Variants in MYT1L observed in about 807,000 individuals in gnomAD.
The protein encoded by MYT1L is myelin transcription factor 1 like, also known as myelin transcription factor 1-like protein.
In MYT1L, 12 loss-of-function variants were observed where a neutral mutation model predicts 126.7. That is an observed-to-expected ratio of 0.09 (90% CI 0.06 to 0.15). The LOEUF is 0.15. MYT1L is among the 10% of genes least tolerant of loss of function. The pLI is 1.00. For synonymous variants in MYT1L, 541 were observed against 604.2 expected (o/e 0.90, Z 1.53); for missense variants, 979 against 1,585.2 (o/e 0.62, Z 6.49).
intron 8 of MYT1L, among the ~76,000 whole-genome samples, chr2:1,972,950 C>T (rs774747021): frequency 1.3e-5 from 2 of 152,222 alleles, no homozygotes; most frequent in African/African-American, 2.4e-5. Context: ...ACCTAACTTT[C>T]GGGTGTTTAT....
At chr2:1,845,978 G>A (rs1333674091) in intron 19 of MYT1L, among the ~76,000 whole-genome samples, 2 of 152,062 alleles carry the variant, frequency 1.3e-5, no homozygotes, top group African/African-American at 4.8e-5. Context: ...CCTCTCTCCT[G>A]GGCTCCAACC....
chr2:1,825,489 G>A (rs550212612), intron 21 of MYT1L: 8 of 152,300 alleles, frequency 5.3e-5, no homozygotes, highest in Non-Finnish European at 7.3e-5. Flanking sequence ...GTAATATTAT[G>A]TTTATTAGAA....
chr2:2,053,281 A>G (rs1416155190), intron 4 of MYT1L, among the ~76,000 whole-genome samples: 1 of 152,220 alleles, frequency 6.6e-6, no homozygotes, highest in African/African-American at 2.4e-5. Flanking sequence ...GGTAGTGTTT[A>G]ACGGGGACAG....
At chr2:2,249,735 G>C (rs1048012037) in intron 2 of MYT1L, among the ~76,000 whole-genome samples, 1 of 152,018 alleles carries the variant, frequency 6.6e-6, no homozygotes, top group Non-Finnish European at 1.5e-5. Context: ...AAAGTGAAGA[G>C]ACAACCTACA....
chr2:1,887,543 G>A lies in MYT1L; in HGVS notation c.2587C>T (p.Pro863Ser). 1.9e-6 allele frequency: 3 copies of A among 1,613,918 alleles called. No homozygotes were observed. The highest frequency in any genetic ancestry group is 2.5e-6 in the Non-Finnish European group (3 of 1,179,882). The change falls in exon 17 of 25, where the codon CCA becomes TCA. Residue 863 changes from proline to serine, a missense_variant. This residue lies in a region of MYT1L where 141 missense variants were observed against 170.6 expected (regional missense o/e 0.83). Transcript: ENST00000647738. This position sits in a 1 kb window ranked among gnomAD's most constrained non-coding sequence, Gnocchi z 4.8. Reference protein sequence around the residue: ...ERRYPGEVTIPSPKPKYPQCK... With the variant: ...ERRYPGEVTISSPKPKYPQCK... Reference sequence around the variant, plus strand: ...TGAGGGTACTTGGGTTTGGGACTTGGGATGGTCACCTCCCCGGGATACCGT... The same window carrying A: ...TGAGGGTACTTGGGTTTGGGACTTGAGATGGTCACCTCCCCGGGATACCGT...
chr2:2,132,207 G>A (rs948296876), intron 3 of MYT1L, among the ~76,000 whole-genome samples: 11 of 151,856 alleles, frequency 7.2e-5, no homozygotes, highest in African/African-American at 2.4e-4. Context: ...GCGCCCAGCC[G>A]AGAGTTCATC....
Position 1,930,267 on chromosome 2 carries a change from C to T in MYT1L, c.506-7004G>A, listed in dbSNP as rs1021728894. 7.9e-5 allele frequency among the ~76,000 whole-genome samples: 12 copies of T among 152,202 alleles called. No individual in the cohort carries two copies. The East Asian group carries it at 9.6e-4, about 12-fold the overall frequency. ...TTGGAAAGCCCACTTCTGGGCGCCCCGATTCTTTCACTGAACTGCTGGAGT... is the reference window on the plus strand; with the variant it reads ...TTGGAAAGCCCACTTCTGGGCGCCCTGATTCTTTCACTGAACTGCTGGAGT... On this transcript the variant is annotated intron_variant, in intron 9 of 24. Coordinates refer to ENST00000647738, the MANE Select transcript of MYT1L (RefSeq NM_001303052.2).
intron 4 of MYT1L, among the ~76,000 whole-genome samples, chr2:2,043,122 C>T (rs937294098): frequency 2.0e-5 from 3 of 152,276 alleles, no homozygotes; most frequent in African/African-American, 2.4e-5. Flanking sequence ...AGGGTTTCAG[C>T]CCCTGGTTCA....
intron 2 of MYT1L, among the ~76,000 whole-genome samples, chr2:2,245,206 G>T (rs2094510729): frequency 6.6e-6 from 1 of 152,168 alleles, no homozygotes; most frequent in Admixed American, 6.5e-5. Context: ...GAAAAGATTG[G>T]AAGTATGGGT....
chr2:1,882,220 C>T (rs902160458), intron 18 of MYT1L, among the ~76,000 whole-genome samples: 9 of 152,162 alleles, frequency 5.9e-5, no homozygotes, highest in African/African-American at 1.4e-4. Flanking sequence ...GCTCAATCCC[C>T]GTGCCCTGGG....
chr2:1,800,799 G>A (rs2034708224), intron 23 of MYT1L, among the ~76,000 whole-genome samples: 2 of 151,996 alleles, frequency 1.3e-5, no homozygotes, highest in African/African-American at 2.4e-5. Context: ...TCCAGTTCTC[G>A]GGGCTCATTC....
intron 3 of MYT1L, among the ~76,000 whole-genome samples, chr2:2,151,520 GA>G (rs921931427): frequency 4.6e-5 from 7 of 152,046 alleles, no homozygotes; most frequent in Non-Finnish European, 1.0e-4. Context: ...GTCCAGCATT[GA>G]AAAATAGCCA....
Position 2,125,941 on chromosome 2 carries a change from G to A in MYT1L, c.-304+46931C>T, listed in dbSNP as rs1289675686. ...CAAGAATCAAAAGTAAGAACAGACGGCTTCTGTGTAGCTTCACAGCATTTT... is the reference window on the plus strand; with the variant it reads ...CAAGAATCAAAAGTAAGAACAGACGACTTCTGTGTAGCTTCACAGCATTTT... On this transcript the variant is annotated intron_variant, in intron 3 of 24. Coordinates refer to ENST00000647738, the MANE Select transcript of MYT1L (RefSeq NM_001303052.2). 3.3e-5 allele frequency among the ~76,000 whole-genome samples: 5 copies of A among 152,294 alleles called. No homozygotes were observed. In the East Asian group the frequency reaches 5.8e-4, roughly 18 times the overall value.
intron 21 of MYT1L, among the ~76,000 whole-genome samples, chr2:1,837,704 G>A (rs563391537): frequency 3.9e-5 from 6 of 152,170 alleles, no homozygotes; most frequent in East Asian, 3.9e-4. Context: ...AACAAGGAAC[G>A]CCCTGTCTGC....
chr2:2,121,147 T>C (rs2080946070), intron 3 of MYT1L, among the ~76,000 whole-genome samples: 1 of 152,192 alleles, frequency 6.6e-6, no homozygotes, highest in South Asian at 2.1e-4. Flanking sequence ...TAATTGTGCT[T>C]GTAAGTCTTT....
chr2:2,193,876 A>G (rs536559070), intron 2 of MYT1L, among the ~76,000 whole-genome samples: 55 of 152,272 alleles, frequency 3.6e-4, no homozygotes, highest in African/African-American at 1.3e-3. Flanking sequence ...TGAATATGAA[A>G]CAGTCCAAGG....
chr2:2,075,876 GC>G (rs2075162664), intron 3 of MYT1L, among the ~76,000 whole-genome samples: 1 of 152,224 alleles, frequency 6.6e-6, no homozygotes, highest in Non-Finnish European at 1.5e-5. Flanking sequence ...TTAATTTGGG[GC>G]CATTCCCATC....
At chr2:2,313,307 T>C (rs1463364359) in intron 1 of MYT1L, among the ~76,000 whole-genome samples, 1 of 152,078 alleles carries the variant, frequency 6.6e-6, no homozygotes, top group African/African-American at 2.4e-5. Flanking sequence ...AGCGGTTCAC[T>C]GGCCCTTAAA....
intron 21 of MYT1L, among the ~76,000 whole-genome samples, chr2:1,824,009 C>T (rs956498923): frequency 1.3e-5 from 2 of 152,146 alleles, no homozygotes; most frequent in Admixed American, 6.5e-5. Context: ...CCCCCCCCAG[C>T]GGGGCCGCCG....
Sources: gnomAD v4.1 joint callset for allele counts (sites outside exome capture counted in the v4.1 genomes callset) on GRCh38, gnomAD v4.1.1 for gene constraint, gnomAD v4.1.1 regional missense constraint, Gnocchi (gnomAD v3.1) non-coding constraint, MANE v1.5 for transcripts, NCBI Gene and HGNC (gene_info 2026-07-23, HGNC 2026-07-21) for gene names.